The following SUGP2 variants were observed in gnomAD, a reference collection of about 807,000 sequenced individuals.
SUGP2 encodes the protein SURP and G-patch domain-containing protein 2.
A neutral mutation model predicts 90.5 loss-of-function variants in SUGP2; 24 were observed. The observed-to-expected ratio is 0.27, with a 90% confidence interval of 0.19 to 0.37. The LOEUF (loss-of-function observed/expected upper bound fraction) is 0.37. SUGP2 is among the 10% of genes least tolerant of loss of function. SUGP2 has a pLI of 1.00. For synonymous variants in SUGP2, 473 were observed against 513.4 expected (o/e 0.92, Z 1.06); for missense variants, 1,233 against 1,363.3 (o/e 0.90, Z 1.51).
At chr19:19,030,182 A>G (rs1346262307) in intron 2 of SUGP2, among the ~76,000 whole-genome samples, 1 of 151,950 alleles carries the variant, frequency 6.6e-6, no homozygotes, top group Middle Eastern at 3.2e-3. Context: ...AAACAAAAAC[A>G]TAAAAAACAC....
intron 7 of SUGP2, among the ~76,000 whole-genome samples, chr19:19,002,543 C>T (rs1334951805): frequency 1.8e-4 from 17 of 95,590 alleles, no homozygotes; most frequent in Non-Finnish European, 3.1e-4. Context: ...GACACAGTTT[C>T]GCTCTTGTTG....
Position 19,025,043 on chromosome 19 carries a change from C to T in SUGP2, c.1305G>A (p.Arg435=). ...FDKYIMRLQD[R]LLKSVTPLLM... ...GCAAAGGTGTGACACTCTTCAGAAGCCGGTCTTGAAGTCTCATTATGTACT... is the reference window on the plus strand; with the variant it reads ...GCAAAGGTGTGACACTCTTCAGAAGTCGGTCTTGAAGTCTCATTATGTACT... Residue 435 remains arginine, a synonymous_variant, in exon 3 of 11, where the codon CGG becomes CGA. Transcript: ENST00000452918. 1 of 1,614,172 alleles carries T rather than the reference C, an allele frequency of 6.2e-7. No homozygotes were observed. The highest frequency in any genetic ancestry group is 8.5e-7 in the Non-Finnish European group (1 of 1,180,042).
At chr19:19,033,594 C>T, upstream of SUGP2, 2 of 1,187,334 alleles carry the variant, frequency 1.7e-6, no homozygotes, top group East Asian at 3.7e-5. Flanking sequence ...TGCGCAGGCG[C>T]GGGCCGCCGC....
intron 3 of SUGP2, among the ~76,000 whole-genome samples, chr19:19,023,612 T>C (rs1245791976): frequency 6.6e-6 from 1 of 152,138 alleles, no homozygotes; most frequent in Non-Finnish European, 1.5e-5. Flanking sequence ...GGAACAAGGG[T>C]TCCAGGCCAG....
At position 18,993,234 on chromosome 19, in the gene SUGP2, G is replaced by A. The variant is rs1238294439; in HGVS notation, c.*507C>T. On this transcript the variant is annotated 3_prime_UTR_variant, in exon 11 of 11. Transcript: ENST00000452918. ...AACTCAAGTATGGCAACTGTTCAGA[G>A]AGCTTCAGAGCTTTGGTACCCGAGT... 2.0e-5 allele frequency: 3 copies of A among 152,240 alleles called. No individual in the cohort carries two copies. The highest frequency in any genetic ancestry group is 4.4e-5 in the Non-Finnish European group (3 of 68,046). 9.4% of individuals were successfully genotyped at this position (152,240 alleles called of 1,614,324 possible).
At chr19:19,012,208 C>T (rs932712245) in intron 4 of SUGP2, among the ~76,000 whole-genome samples, 1 of 152,180 alleles carries the variant, frequency 6.6e-6, no homozygotes, top group Non-Finnish European at 1.5e-5. Context: ...GTTGGGCTAA[C>T]GGTGGCATCC....
intron 9 of SUGP2, 45 bp from the exon 10 acceptor site, chr19:18,994,531 C>A (rs377108997): frequency 1.2e-5 from 19 of 1,605,144 alleles, no homozygotes; most frequent in South Asian, 1.0e-4. Flanking sequence ...GAGCCCAGGG[C>A]CTGGCATGCC....
At chr19:18,994,991 G>A (rs1221060698) in intron 9 of SUGP2, 153 bp downstream of exon 9, 2 of 870,726 alleles carry the variant, frequency 2.3e-6, no homozygotes, top group Non-Finnish European at 3.6e-6. Flanking sequence ...ACATGTAAAT[G>A]ATCAGCTTCT....
At chr19:19,023,170 G>T (rs926788745) in intron 3 of SUGP2, among the ~76,000 whole-genome samples, 2 of 152,112 alleles carry the variant, frequency 1.3e-5, no homozygotes, top group Non-Finnish European at 2.9e-5. Context: ...ACAAAAGTGA[G>T]TAGGGCGAAA....
At chr19:19,029,334 C>T (rs1194172489) in intron 2 of SUGP2, among the ~76,000 whole-genome samples, 2 of 151,670 alleles carry the variant, frequency 1.3e-5, no homozygotes, top group African/African-American at 4.8e-5. Context: ...CAGGGTTTCA[C>T]CGTGTTAGCC....
At position 19,019,136 on chromosome 19, in the gene SUGP2, G is replaced by A. The variant is rs1446801013; in HGVS notation, c.1823C>T (p.Thr608Ile). The part of the protein sequence containing the change: ...IEGSLSPKER[T>I]LLKEDPAYWF... ...GTAAGCAGGGTCCTCTTTGAGAAGA[G>A]TTCTCTCTTTGGGAGACAGGCTGCC... Residue 608 changes from threonine (T) to isoleucine (I), a missense_variant, in exon 4 of 11, where the codon ACT becomes ATT. By Grantham distance (89) the Thr-to-Ile change is moderately conservative (BLOSUM62 -1). This residue lies in a region of SUGP2 where 540 missense variants were observed against 542.6 expected (regional missense o/e 1.00). Coordinates refer to ENST00000452918, the MANE Select transcript of SUGP2 (RefSeq NM_001017392.5). 6.2e-7 allele frequency: 1 copy of A among 1,613,964 alleles called. No individual in the cohort carries two copies. Among genetic ancestry groups the A allele is most frequent in the Non-Finnish European group, 8.5e-7 (1 of 1,179,930 alleles).
At chr19:19,019,880 C>G (rs2058645593) in intron 3 of SUGP2, among the ~76,000 whole-genome samples, 1 of 146,932 alleles carries the variant, frequency 6.8e-6, no homozygotes, top group Admixed American at 6.8e-5. Flanking sequence ...GGCACGGTGG[C>G]TCACACCTGT....
rs759905665 is a variant in SUGP2 at position 19,008,414 on chromosome 19, T to C, written c.2353A>G (p.Met785Val). Residue 785 changes from methionine to valine, a missense_variant, in exon 6 of 11, where the codon ATG becomes GTG. Met to Val is a conservative substitution (Grantham distance 21, BLOSUM62 1). Around this residue, in one of 8 missense-constraint regions of SUGP2, gnomAD observed 540 missense variants for 542.6 expected, o/e 1.00. Transcript: ENST00000452918. ...CTAGCCAGTTTCTCTGCAGTCTCCA[T>C]TGTCTTCATGTCAACTACAAAACAT... ...CPSADIDMKT[M>V]ETAEKLARFV... The C allele has an allele frequency of 5.6e-6, 9 of 1,614,068 alleles. No individual in the cohort carries two copies. The highest frequency in any genetic ancestry group is 1.7e-5 in the Admixed American group (1 of 60,024).
chr19:19,011,997 T>C (rs2058329611), intron 4 of SUGP2, among the ~76,000 whole-genome samples: 2 of 152,228 alleles, frequency 1.3e-5, no homozygotes. Flanking sequence ...AGTTATTAGA[T>C]GAGGTTCCAG....
chr19:19,030,540 A>G (rs1055492133), intron 2 of SUGP2, among the ~76,000 whole-genome samples: 2 of 152,104 alleles, frequency 1.3e-5, no homozygotes, highest in Non-Finnish European at 2.9e-5. Context: ...ACAAACAAAC[A>G]ATAAACAAAA....
intron 8 of SUGP2, 116 bp downstream of exon 8, chr19:19,001,497 A>G (rs2057831023): frequency 2.8e-6 from 3 of 1,071,350 alleles, no homozygotes; most frequent in Non-Finnish European, 4.3e-6. Flanking sequence ...TTTACACATT[A>G]ATACCTCAGT....
chr19:19,006,386 G>A (rs1248100269), intron 6 of SUGP2, among the ~76,000 whole-genome samples: 4 of 152,000 alleles, frequency 2.6e-5, no homozygotes, highest in African/African-American at 9.7e-5. Flanking sequence ...GCTGGATAGC[G>A]TCCAACACCT....
chr19:19,017,180 G>C (rs2058530801), intron 4 of SUGP2, among the ~76,000 whole-genome samples: 1 of 152,184 alleles, frequency 6.6e-6, no homozygotes, highest in Non-Finnish European at 1.5e-5. Flanking sequence ...GTGAGATCCT[G>C]TCACTAACAA....
chr19:19,033,811 G>C (rs2059296030), upstream of SUGP2: 1 of 255,618 alleles, frequency 3.9e-6, no homozygotes, highest in Non-Finnish European at 7.5e-6. Flanking sequence ...GAGTCTCTGG[G>C]AGGCCAAGCC....
Sources: allele counts gnomAD v4.1 joint callset (sites outside exome capture counted in the v4.1 genomes callset), GRCh38; gene constraint gnomAD v4.1.1; regional missense constraint gnomAD v4.1.1; transcripts MANE v1.5; gene names NCBI Gene and HGNC (gene_info 2026-07-23, HGNC 2026-07-21).